Variants in FRMPD4 observed in about 807,000 individuals in gnomAD.
FRMPD4 encodes the protein FERM and PDZ domain-containing protein 4.
FRMPD4 carries 22 observed loss-of-function variants against 94.1 expected under a neutral mutation model. The observed-to-expected ratio is 0.23, with a 90% confidence interval of 0.17 to 0.33. The LOEUF is 0.33. Among genes scored for constraint, FRMPD4 ranks in the 10% least tolerant of loss-of-function variants. The pLI, the probability that FRMPD4 is intolerant of heterozygous loss-of-function variation, is 1.00. For missense variants in FRMPD4, 1,111 were observed against 1,339.9 expected, an observed-to-expected ratio of 0.83 and a Z score of 2.67; for synonymous variants, 631 against 548.6, an observed-to-expected ratio of 1.15 and a Z score of -2.10.
intron 16 of FRMPD4, 88 bp from the exon 17 acceptor site, chrX:12,720,446 T>C: frequency 1.0e-6 from 1 of 985,407 alleles, no homozygotes; most frequent in Admixed American, 2.3e-5. Context: ...CCTTGAGAAA[T>C]GACAGACATC....
intron 2 of FRMPD4, among the ~76,000 whole-genome samples, chrX:12,508,659 T>C (rs938431886): frequency 9.9e-5 from 11 of 111,649 alleles, no homozygotes; most frequent in South Asian, 7.6e-4. Context: ...AATCAGTGAG[T>C]ATCTCTTCTT....
intron 9 of FRMPD4, among the ~76,000 whole-genome samples, chrX:12,701,207 G>A (rs1265322266): frequency 1.8e-5 from 2 of 108,196 alleles, no homozygotes; most frequent in African/African-American, 6.8e-5. Flanking sequence ...CTAGTAGCTG[G>A]GACTACAGGC....
At chrX:12,183,795 G>A (rs1308455616) in intron 1 of FRMPD4, among the ~76,000 whole-genome samples, 1 of 110,710 alleles carries the variant, frequency 9.0e-6, no homozygotes, top group Non-Finnish European at 1.9e-5. Flanking sequence ...CCAGTCTCGT[G>A]TTCTTTAGAA....
At chrX:12,044,408 G>T (rs1226343415) in intron 3 of FRMPD4, among the ~76,000 whole-genome samples, 1 of 111,861 alleles carries the variant, frequency 8.9e-6, no homozygotes, top group Non-Finnish European at 1.9e-5. Context: ...CAGCTTCATT[G>T]GTCCAGATAT....
At chrX:12,257,327 C>T (rs2054128459) in intron 1 of FRMPD4, among the ~76,000 whole-genome samples, 7 of 110,344 alleles carry the variant, frequency 6.3e-5, no homozygotes, top group Admixed American at 2.9e-4. Flanking sequence ...CCTTTTCTAC[C>T]ACCTTACAAA....
At chrX:12,617,376 T>C (rs907824709) in intron 4 of FRMPD4, among the ~76,000 whole-genome samples, 5 of 112,576 alleles carry the variant, frequency 4.4e-5, no homozygotes, top group African/African-American at 1.6e-4. Context: ...CCTGCTACAA[T>C]AACAGAGTTG....
intron 1 of FRMPD4, among the ~76,000 whole-genome samples, chrX:12,362,824 A>T (rs1248949608): frequency 8.9e-6 from 1 of 111,989 alleles, no homozygotes; most frequent in Non-Finnish European, 1.9e-5. Context: ...TCCCACCAAC[A>T]GTGTAAAAGT....
intron 3 of FRMPD4, among the ~76,000 whole-genome samples, chrX:12,048,640 T>C (rs2054799457): frequency 8.9e-6 from 1 of 112,069 alleles, no homozygotes; most frequent in African/African-American, 3.2e-5. Flanking sequence ...AAGTCTTTAA[T>C]CCATCTTGAG....
intron 1 of FRMPD4, chrX:12,341,473 T>TATTGTTATTGTTGCC (rs1487279100): frequency 6.1e-6 from 1 of 163,308 alleles, no homozygotes; most frequent in East Asian, 1.5e-4. Flanking sequence ...TTTCCCAAAC[T>TATTGTTATTGTTGCC]ATTGTTATTG....
intron 3 of FRMPD4, among the ~76,000 whole-genome samples, chrX:11,932,018 A>C (rs773512775): frequency 8.9e-6 from 1 of 112,241 alleles, no homozygotes; most frequent in African/African-American, 3.2e-5. Context: ...TTCATGTCTG[A>C]TTAAAAGCTT....
At chrX:12,712,725 T>C (rs1365988976) in intron 14 of FRMPD4, among the ~76,000 whole-genome samples, 1 of 111,886 alleles carries the variant, frequency 8.9e-6, no homozygotes, top group Non-Finnish European at 1.9e-5. Flanking sequence ...AACATTTTTA[T>C]GACCACATGT....
At chrX:12,418,350 C>CTGTTTTTTTTTTT (rs2056836544) in intron 1 of FRMPD4, among the ~76,000 whole-genome samples, 1 of 81,077 alleles carries the variant, frequency 1.2e-5, no homozygotes, top group Admixed American at 1.6e-4. Flanking sequence ...GTGTTTCTTT[C>CTGTTTTTTTTTTT]TTTTTTTTTT....
chrX:12,177,109 TC>T (rs1435178723), intron 1 of FRMPD4, among the ~76,000 whole-genome samples: 2 of 111,914 alleles, frequency 1.8e-5, no homozygotes, highest in Non-Finnish European at 3.8e-5. Context: ...TCTGGAAATG[TC>T]ACCCACTAGA....
At position 12,051,622 on chromosome X, in the gene FRMPD4, G is replaced by T. The variant is rs765046620; in HGVS notation, c.95+173604G>T. On this transcript the variant is annotated intron_variant, in intron 3 of 18. Transcript: ENST00000640291. Reference sequence around the variant, plus strand: ...GCTAAAACATTGTGTCCTTTTCTTTGCATTGCATTTGAAGCTTGAAAAATA... The same window carrying T: ...GCTAAAACATTGTGTCCTTTTCTTTTCATTGCATTTGAAGCTTGAAAAATA... Among the ~76,000 whole-genome samples the T allele has an allele frequency of 2.1e-3, 234 of 112,026 alleles. 1 individual carries two copies. Among genetic ancestry groups the T allele is most frequent in the Non-Finnish European group, 3.3e-3 (174 of 53,037 alleles).
chrX:12,580,646 T>C (rs2058855230), intron 2 of FRMPD4, among the ~76,000 whole-genome samples: 1 of 111,542 alleles, frequency 9.0e-6, no homozygotes, highest in Admixed American at 9.5e-5. Flanking sequence ...GTGAGATGAA[T>C]TGAGGTGAGT....
intron 2 of FRMPD4, among the ~76,000 whole-genome samples, chrX:12,505,727 GAAAAAAAA>G (rs34064982): frequency 1.7e-4 from 8 of 46,324 alleles, no homozygotes; most frequent in African/African-American, 8.1e-4. Flanking sequence ...AACTCCATCC[GAAAAAAAA>G]AAAAAAAAAA....
chrX:12,297,339 T>A (rs1466704566), intron 1 of FRMPD4, among the ~76,000 whole-genome samples: 1 of 112,481 alleles, frequency 8.9e-6, no homozygotes, highest in Non-Finnish European at 1.9e-5. Flanking sequence ...TTTTTCATAG[T>A]TCTGGAGGTT....
chrX:12,707,495 T>C lies in FRMPD4; in HGVS notation c.1314T>C (p.Thr438=), dbSNP rs1236281195. The C allele has an allele frequency of 8.3e-7, 1 of 1,202,216 alleles. No individual in the cohort carries two copies. The highest frequency in any genetic ancestry group is 1.1e-6 in the Non-Finnish European group (1 of 891,844). ...AGGCAGAAAAGCGCTCGGAAGTGAC[T>C]CTCCTGGTTGGGCCCCGGTATGGCA... ...LVQAEKRSEV[T]LLVGPRYGIS... Residue 438 remains threonine (T), a synonymous_variant, in exon 13 of 17, where the codon ACT becomes ACC. Transcript: ENST00000675598.
rs927272318 is a variant in FRMPD4 at position 12,512,532 on chromosome X, T to C, written c.158+13736T>C. On this transcript the variant is annotated intron_variant, in intron 2 of 16. Transcript: ENST00000675598. ...ATAATGGCTTTGAGCTCCATCCATGTCCCTGCAAAGGACAAGATCTCATTC... is the reference window on the plus strand; with the variant it reads ...ATAATGGCTTTGAGCTCCATCCATGCCCCTGCAAAGGACAAGATCTCATTC... Among the ~76,000 whole-genome samples the C allele has an allele frequency of 2.7e-5, 3 of 112,804 alleles. No individual in the cohort carries two copies. The Admixed American group carries it at 2.8e-4, about 11-fold the overall frequency.
Sources: gnomAD v4.1 joint callset for allele counts (sites outside exome capture counted in the v4.1 genomes callset) on GRCh38, gnomAD v4.1.1 for gene constraint, MANE v1.5 for transcripts, NCBI Gene and HGNC (gene_info 2026-07-23, HGNC 2026-07-21) for gene names.